Variants in SPATA13 observed in about 807,000 individuals in gnomAD.
SPATA13 encodes spermatogenesis associated 13.
In SPATA13, 50 loss-of-function variants were observed where a neutral mutation model predicts 104.0. The observed-to-expected ratio is 0.48, with a 90% confidence interval of 0.38 to 0.61. The LOEUF is 0.61. Among genes scored for constraint, SPATA13 ranks in the 20% least tolerant of loss-of-function variants. The pLI is 0.00. For synonymous variants in SPATA13, 606 were observed against 667.5 expected, an observed-to-expected ratio of 0.91 and a Z score of 1.42; for missense variants, 1,524 against 1,690.6, an observed-to-expected ratio of 0.90 and a Z score of 1.73.
intron 4 of SPATA13, among the ~76,000 whole-genome samples, chr13:24,271,349 T>C (rs1362396356): frequency 1.3e-5 from 2 of 152,102 alleles, no homozygotes; most frequent in African/African-American, 2.4e-5. Context: ...TTCAATAGAT[T>C]ATTGGTGGTG....
intron 3 of SPATA13, among the ~76,000 whole-genome samples, chr13:24,134,981 G>A (rs1021925702): frequency 2.0e-5 from 3 of 152,162 alleles, no homozygotes; most frequent in African/African-American, 7.2e-5. Flanking sequence ...ACAAAGTTAT[G>A]CATAGAAGGA....
chr13:24,062,623 G>A (rs1025497175), intron 3 of SPATA13, among the ~76,000 whole-genome samples: 7 of 152,114 alleles, frequency 4.6e-5, no homozygotes, highest in African/African-American at 1.2e-4. Context: ...TATAGAAGTC[G>A]GGCTTCGGTG....
At chr13:24,121,764 C>T (rs958216368) in intron 3 of SPATA13, among the ~76,000 whole-genome samples, 1 of 152,158 alleles carries the variant, frequency 6.6e-6, no homozygotes, top group Non-Finnish European at 1.5e-5. Context: ...GACATCCCCT[C>T]GTGTTTCAGA....
At chr13:24,172,811 C>T (rs1272378702) in intron 1 of SPATA13, among the ~76,000 whole-genome samples, 1 of 152,130 alleles carries the variant, frequency 6.6e-6, no homozygotes, top group Non-Finnish European at 1.5e-5. Flanking sequence ...TAGCTAGCTC[C>T]CTTCCCTTTC....
At chr13:24,015,749 A>G (rs9580829) in intron 2 of SPATA13, among the ~76,000 whole-genome samples, 4 of 10,282 alleles carry the variant, frequency 3.9e-4, no homozygotes, top group Non-Finnish European at 3.7e-4. Context: ...GCCCCCCCCC[A>G]ATTCCTAGGT....
chr13:24,187,456 G>A (rs547447159), intron 1 of SPATA13, among the ~76,000 whole-genome samples: 25 of 152,214 alleles, frequency 1.6e-4, no homozygotes, highest in South Asian at 1.0e-3. Flanking sequence ...ACCGGCTTAC[G>A]TTTTATTCTG....
rs533337517 is a variant in SPATA13, at chr13:24,058,426, G to A, written c.-112+40725G>A. Among the ~76,000 whole-genome samples the A allele has an allele frequency of 2.6e-5, 4 of 151,942 alleles. No homozygotes were observed. The East Asian group carries it at 5.8e-4, about 22-fold the overall frequency. ...TCCATTTTATGACTGAGAAAATTGA[G>A]GCAAAATGGAAAAGCTTTAGAGTTT... is the stretch of plus-strand genomic sequence containing the variant. On this transcript the variant is annotated intron_variant, in intron 3 of 14. Coordinates refer to the SPATA13 transcript ENST00000424834.
chr13:24,221,923 C>T (rs1185233196), intron 1 of SPATA13, among the ~76,000 whole-genome samples: 4 of 151,416 alleles, frequency 2.6e-5, no homozygotes, highest in African/African-American at 9.7e-5. Flanking sequence ...AGCGATTCTC[C>T]TGCTTCAGCC....
chr13:24,122,903 G>A (rs1389444076), intron 3 of SPATA13: 6 of 775,466 alleles, frequency 7.7e-6, no homozygotes, highest in Admixed American at 5.1e-5. Flanking sequence ...AGATTCCCTC[G>A]AGCTGTTGGG....
intron 1 of SPATA13, among the ~76,000 whole-genome samples, chr13:24,222,110 A>G (rs962922750): frequency 6.6e-6 from 1 of 152,070 alleles, no homozygotes; most frequent in African/African-American, 2.4e-5. Flanking sequence ...ACTGCACCCA[A>G]CCCTGAATTT....
chr13:24,290,650 A>T lies in SPATA13; in HGVS notation c.2848-2A>T, dbSNP rs1190192312. 6.2e-7 allele frequency: 1 copy of T among 1,613,198 alleles called. No individual in the cohort carries two copies. Among genetic ancestry groups the T allele is most frequent in the Non-Finnish European group, 8.5e-7 (1 of 1,179,268 alleles). The stretch of plus-strand genomic sequence containing the variant: ...TGACGAAGCTGTACTTTTCCTTCCC[A>T]GCAAGAGGGCTTTGCCATCTATTCC... On this transcript the variant is annotated splice_acceptor_variant, in intron 8 of 12. Coordinates refer to ENST00000382108, the MANE Select transcript of SPATA13 (RefSeq NM_001166271.3). LOFTEE classifies it high-confidence loss of function.
Position 24,286,086 on chromosome 13 carries a change from A to T in SPATA13, c.2302-128A>T. The T allele has an allele frequency of 1.1e-6, 1 of 877,952 alleles. No individual in the cohort carries two copies. The highest frequency in any genetic ancestry group is 1.7e-6 in the Non-Finnish European group (1 of 573,464). The allele number at this position is 877,952 out of a possible 1,614,324, so 54.4% of individuals were successfully genotyped here. A position where few individuals can be genotyped will look rare whatever the true frequency, so the allele number is the denominator to read the frequency against. The stretch of plus-strand genomic sequence containing the variant: ...GTAACCAGTCACATAGTCAGTGTGG[A>T]CCAAATGCCACCAGCATATCCAAGT... On this transcript the variant is annotated intron_variant, in intron 5 of 12. Transcript: ENST00000382108. The surrounding 1 kb of genome is among the most constrained non-coding windows in gnomAD (Gnocchi z 4.9).
In SPATA13 at chr13:24,161,514, G is replaced by A. The variant is rs940176578; in HGVS notation, c.-112+582G>A. The stretch of plus-strand genomic sequence containing the variant: ...TCTGTGGACTGCAGGGAATGCATTG[G>A]CGGAGTTGGTTTGGTCCCATTCTGT... On this transcript the variant is annotated intron_variant, in intron 1 of 12. Transcript: ENST00000382108. This position sits in a 1 kb window ranked among gnomAD's most constrained non-coding sequence, Gnocchi z 4.5. 1.3e-5 allele frequency among the ~76,000 whole-genome samples: 2 copies of A among 152,216 alleles called. No individual in the cohort carries two copies. Among genetic ancestry groups the A allele is most frequent in the South Asian group, 4.1e-4 (2 of 4,828 alleles).
At chr13:24,187,788 C>G (rs1320307744) in intron 1 of SPATA13, among the ~76,000 whole-genome samples, 1 of 152,182 alleles carries the variant, frequency 6.6e-6, no homozygotes, top group Admixed American at 6.5e-5. Context: ...CTCCCAGTCT[C>G]TCTGCCTCTT....
intron 1 of SPATA13, among the ~76,000 whole-genome samples, chr13:24,220,853 C>T (rs1255064969): frequency 6.6e-6 from 1 of 152,192 alleles, no homozygotes; most frequent in Non-Finnish European, 1.5e-5. Flanking sequence ...AAAAATAGAA[C>T]CCATCAAGAA....
chr13:24,137,218 T>C (rs1881601907), intron 3 of SPATA13, among the ~76,000 whole-genome samples: 1 of 152,162 alleles, frequency 6.6e-6, no homozygotes, highest in South Asian at 2.1e-4. Context: ...GGCAAAATTA[T>C]TTCACCCCTT....
intron 3 of SPATA13, among the ~76,000 whole-genome samples, chr13:24,138,894 A>T (rs886776835): frequency 1.3e-5 from 2 of 152,058 alleles, no homozygotes; most frequent in Non-Finnish European, 2.9e-5. Context: ...GCCAAGCCTA[A>T]AATATCTTTT....
intron 3 of SPATA13, among the ~76,000 whole-genome samples, chr13:24,091,950 T>C (rs941672598): frequency 6.6e-6 from 1 of 152,168 alleles, no homozygotes; most frequent in African/African-American, 2.4e-5. Flanking sequence ...AAGGCTACCA[T>C]GGAGCTGGAG....
rs1318862155 is a variant in SPATA13 at position 24,223,273 on chromosome 13, A to G, written c.344A>G (p.Lys115Arg). 6.4e-7 allele frequency: 1 copy of G among 1,551,718 alleles called. No individual in the cohort carries two copies. Among genetic ancestry groups the G allele is most frequent in the Admixed American group, 2.0e-5 (1 of 51,016 alleles). ...LASFRKMGSFKKLKSSVLKGI... is the reference protein window; with the variant it reads ...LASFRKMGSFRKLKSSVLKGI... The stretch of plus-strand genomic sequence containing the variant: ...TCCTTCCGGAAAATGGGATCCTTTA[A>G]GAAACTGAAGTCCTCAGTCCTGAAA... The change falls in exon 2 of 13, where the codon AAG becomes AGG. Residue 115 changes from lysine (K) to arginine (R), a missense_variant. By Grantham distance (26) the Lys-to-Arg change is conservative. Around this residue, in one of 2 missense-constraint regions of SPATA13, gnomAD observed 1,089 missense variants for 1,135.9 expected, o/e 0.96. Transcript: ENST00000382108.
Sources: gnomAD v4.1 joint callset for allele counts (sites outside exome capture counted in the v4.1 genomes callset) on GRCh38, gnomAD v4.1.1 for gene constraint, gnomAD v4.1.1 regional missense constraint, Gnocchi (gnomAD v3.1) non-coding constraint, MANE v1.5 for transcripts, NCBI Gene and HGNC (gene_info 2026-07-23, HGNC 2026-07-21) for gene names.